The following ARHGAP18 variants were observed in gnomAD, a reference collection of about 807,000 sequenced individuals.
ARHGAP18 encodes rho GTPase-activating protein 18.
In ARHGAP18, 67 loss-of-function variants were observed where a neutral mutation model predicts 86.2. That is an observed-to-expected ratio of 0.78 (90% CI 0.64 to 0.95). The LOEUF (loss-of-function observed/expected upper bound fraction) is 0.95. Among genes scored for constraint, ARHGAP18 ranks in the 40% least tolerant of loss-of-function variants. ARHGAP18 has a pLI of 0.00. For synonymous variants in ARHGAP18, 283 were observed against 280.4 expected (o/e 1.01, Z -0.09); for missense variants, 691 against 780.4 (o/e 0.89, Z 1.37).
intron 2 of ARHGAP18, among the ~76,000 whole-genome samples, chr6:129,640,042 CAA>C (rs374771260): frequency 0.01 from 734 of 72,802 alleles, 5 homozygotes; most frequent in African/African-American, 0.043. Flanking sequence ...GAGACTGTCT[CAA>C]AAAAAAAAAA....
At chr6:129,617,576 G>GA (rs1370913397) in intron 6 of ARHGAP18, among the ~76,000 whole-genome samples, 4 of 152,022 alleles carry the variant, frequency 2.6e-5, no homozygotes, top group Non-Finnish European at 5.9e-5. Context: ...TATTAACAGT[G>GA]ATAGCCTTGA....
At chr6:129,586,366 T>C (rs1054344297) in intron 12 of ARHGAP18, among the ~76,000 whole-genome samples, 1 of 152,192 alleles carries the variant, frequency 6.6e-6, no homozygotes, top group African/African-American at 2.4e-5. Context: ...TGGATTCTGT[T>C]AGTTTATCAC....
intron 3 of ARHGAP18, among the ~76,000 whole-genome samples, chr6:129,636,988 T>C (rs1773345907): frequency 6.6e-6 from 1 of 152,226 alleles, no homozygotes; most frequent in Admixed American, 6.5e-5. Flanking sequence ...AGGTAAGTAA[T>C]AGGCAATCCA....
At chr6:129,708,598 T>A (rs191633636) in intron 1 of ARHGAP18, among the ~76,000 whole-genome samples, 100 of 152,282 alleles carry the variant, frequency 6.6e-4, no homozygotes, top group Middle Eastern at 3.4e-3. Context: ...GTCCTTAAGG[T>A]CCTTTCCATT....
chr6:129,580,372 T>G (rs565008901), intron 13 of ARHGAP18, among the ~76,000 whole-genome samples: 1 of 152,314 alleles, frequency 6.6e-6, no homozygotes, highest in Non-Finnish European at 1.5e-5. Context: ...AGTAAACCAG[T>G]ATCTAAATTT....
chr6:129,692,657 G>A (rs1774547269), intron 1 of ARHGAP18, among the ~76,000 whole-genome samples: 1 of 152,158 alleles, frequency 6.6e-6, no homozygotes, highest in Admixed American at 6.5e-5. Flanking sequence ...ATTTGTGGCA[G>A]CAGGACATTT....
intron 1 of ARHGAP18, among the ~76,000 whole-genome samples, chr6:129,666,983 A>G (rs1482907332): frequency 2.0e-5 from 3 of 151,792 alleles, no homozygotes. Flanking sequence ...TAATTCATCT[A>G]CAAATACTCC....
At chr6:129,689,024 T>C (rs1158728145) in intron 1 of ARHGAP18, among the ~76,000 whole-genome samples, 2 of 152,124 alleles carry the variant, frequency 1.3e-5, no homozygotes, top group Non-Finnish European at 2.9e-5. Flanking sequence ...TTCTTTAGCA[T>C]GCAAAACGTA....
Position 129,599,353 on chromosome 6 carries a change from G to GA in ARHGAP18, c.1575dup (p.Pro526SerfsTer17), listed in dbSNP as rs1200321533. ...CTCACTTGGTTTACAATAAACTTGG[G>GA]AATCTATAGAGAAAAGGAATTAAGC... On this transcript the variant is annotated frameshift_variant, in exon 12 of 15. Transcript: ENST00000368149. LOFTEE classifies it high-confidence loss of function. 2.6e-6 allele frequency: 4 copies of GA among 1,538,356 alleles called. No individual in the cohort carries two copies. Among genetic ancestry groups the GA allele is most frequent in the Non-Finnish European group, 3.5e-6 (4 of 1,148,734 alleles).
intron 1 of ARHGAP18, among the ~76,000 whole-genome samples, chr6:129,691,080 C>T (rs17467302): frequency 0.22 from 33,323 of 152,072 alleles, 4,742 homozygotes; most frequent in Non-Finnish European, 0.3. Context: ...GCACAAAATC[C>T]TCACAATTCA....
chr6:129,623,001 CAAAACAAAAAAAA>C (rs1170494716), intron 5 of ARHGAP18, among the ~76,000 whole-genome samples: 4 of 15,408 alleles, frequency 2.6e-4, no homozygotes, highest in Non-Finnish European at 5.8e-4. Context: ...AACTCCATCT[CAAAACAAAAAAAA>C]AAAAAAAAAA....
At chr6:129,657,569 TCAA>T (rs1773865884) in intron 1 of ARHGAP18, among the ~76,000 whole-genome samples, 2 of 152,186 alleles carry the variant, frequency 1.3e-5, no homozygotes, top group African/African-American at 4.8e-5. Flanking sequence ...GGATGAGTAT[TCAA>T]ACACAGGGCA....
chr6:129,617,509 T>A (rs950122413), intron 6 of ARHGAP18, among the ~76,000 whole-genome samples: 1 of 152,036 alleles, frequency 6.6e-6, no homozygotes, highest in African/African-American at 2.4e-5. Flanking sequence ...GGGTATAACA[T>A]AAAATCAGTA....
intron 1 of ARHGAP18, among the ~76,000 whole-genome samples, chr6:129,656,788 T>C (rs1038808408): frequency 1.1e-4 from 16 of 152,228 alleles, no homozygotes; most frequent in East Asian, 3.8e-4. Context: ...TTTGATTCAA[T>C]TTTATTTCCC....
intron 1 of ARHGAP18, among the ~76,000 whole-genome samples, chr6:129,679,611 T>C (rs1774291838): frequency 6.6e-6 from 1 of 152,222 alleles, no homozygotes; most frequent in Non-Finnish European, 1.5e-5. Flanking sequence ...ACCATCAGAA[T>C]TCAACTAAGC....
At chr6:129,591,009 G>A (rs1482724670) in intron 12 of ARHGAP18, among the ~76,000 whole-genome samples, 3 of 152,174 alleles carry the variant, frequency 2.0e-5, no homozygotes, top group Non-Finnish European at 2.9e-5. Context: ...TTGTTTCTGG[G>A]AAGTTTTTGC....
chr6:129,641,121 G>A (rs1773455293), intron 2 of ARHGAP18, among the ~76,000 whole-genome samples: 1 of 152,106 alleles, frequency 6.6e-6, no homozygotes. Context: ...TAGATTAGTT[G>A]GCTAAACATG....
chr6:129,641,741 TCTCTTCC>T, intron 2 of ARHGAP18, 68 bp downstream of exon 2: 1 of 1,349,308 alleles, frequency 7.4e-7, no homozygotes, highest in Non-Finnish European at 1.0e-6. Flanking sequence ...TTTTTTTTGT[TCTCTTCC>T]TTTCTATGCA....
intron 1 of ARHGAP18, among the ~76,000 whole-genome samples, chr6:129,681,731 A>G (rs1047177798): frequency 2.0e-5 from 3 of 152,256 alleles, no homozygotes; most frequent in African/African-American, 7.2e-5. Flanking sequence ...TCCGTGAAAT[A>G]CTAGACAAGG....
Sources: gnomAD v4.1 joint callset for allele counts (sites outside exome capture counted in the v4.1 genomes callset) on GRCh38, gnomAD v4.1.1 for gene constraint, MANE v1.5 for transcripts, NCBI Gene and HGNC (gene_info 2026-07-23, HGNC 2026-07-21) for gene names.